Variants in SACS observed in about 807,000 individuals in gnomAD.
The protein encoded by SACS is sacsin.
SACS carries 197 observed loss-of-function variants against 348.0 expected under a neutral mutation model. The observed-to-expected ratio is 0.57, with a 90% CI of 0.50 to 0.64. The LOEUF (loss-of-function observed/expected upper bound fraction) is 0.64, where lower values mean the gene tolerates loss of function less well. Among genes scored for constraint, SACS ranks in the 30% least tolerant of loss-of-function variants. The pLI is 0.00. For missense variants in SACS, 4,999 were observed against 5,360.8 expected, an observed-to-expected ratio of 0.93 and a Z score of 2.11; for synonymous variants, 1,985 against 1,910.6, an observed-to-expected ratio of 1.04 and a Z score of -1.02.
Position 23,333,671 on chromosome 13 carries a change from T to C in SACS, c.10205A>G (p.Asp3402Gly), listed in dbSNP as rs543563990. The change falls in exon 10 of 10, where the codon GAT becomes GGT. Residue 3402 changes from aspartate to glycine, a missense_variant. Around this residue, in one of 6 missense-constraint regions of SACS, gnomAD observed 734 missense variants for 694.0 expected, o/e 1.06. Coordinates refer to ENST00000382292, the MANE Select transcript of SACS (RefSeq NM_014363.6). ...AAGTGACTTTAGAATTTTTATATCA[T>C]CTTGGGACATCAAATGATTCAAATT... ...NCNLNHLMSQDDIKILKSLPC... is the reference protein window; with the variant it reads ...NCNLNHLMSQGDIKILKSLPC... 1.4e-5 allele frequency: 22 copies of C among 1,613,824 alleles called. No homozygotes were observed. The Admixed American group carries it at 3.2e-4, about 23-fold the overall frequency.
chr13:23,368,598 A>G (rs1238332592), intron 4 of SACS, 111 bp from the exon 5 acceptor site: 9 of 761,146 alleles, frequency 1.2e-5, no homozygotes, highest in South Asian at 3.0e-5. Flanking sequence ...ATGGTTGCAT[A>G]TATCTCACTG....
At chr13:23,379,488 C>T (rs2137860282) in intron 2 of SACS, among the ~76,000 whole-genome samples, 1 of 152,312 alleles carries the variant, frequency 6.6e-6, no homozygotes, top group Non-Finnish European at 1.5e-5. Flanking sequence ...CATCTGAACA[C>T]TCAAGGCCAG....
At chr13:23,354,016 C>T (rs1370956342) in intron 8 of SACS, 140 bp from the exon 9 acceptor site, 2 of 656,256 alleles carry the variant, frequency 3.0e-6, no homozygotes, top group East Asian at 5.5e-5. Flanking sequence ...AATCAAATTA[C>T]AATATTTTTG....
chr13:23,399,027 A>AAAAAAAAAAC (rs1593172858), intron 2 of SACS, among the ~76,000 whole-genome samples: 1 of 150,402 alleles, frequency 6.6e-6, no homozygotes, highest in East Asian at 1.9e-4. Flanking sequence ...CTCAAAAAAA[A>AAAAAAAAAAC]AAAAAAAAAA....
intron 9 of SACS, among the ~76,000 whole-genome samples, chr13:23,342,969 A>G (rs749944455): frequency 2.0e-5 from 3 of 152,218 alleles, no homozygotes; most frequent in Non-Finnish European, 2.9e-5. Context: ...CATATTTACA[A>G]CTTTTTCAAA....
At chr13:23,422,838 A>G (rs1329916795) in intron 1 of SACS, among the ~76,000 whole-genome samples, 1 of 152,196 alleles carries the variant, frequency 6.6e-6, no homozygotes, top group Non-Finnish European at 1.5e-5. Context: ...TACTAGAAAC[A>G]TGTTTTGTAG....
intron 9 of SACS, among the ~76,000 whole-genome samples, chr13:23,353,235 T>A (rs952139876): frequency 5.4e-4 from 82 of 152,136 alleles, no homozygotes; most frequent in African/African-American, 1.9e-3. Flanking sequence ...CCTGCCCCTG[T>A]TACAGAGTTA....
At chr13:23,425,777 C>T (rs1483390357) in intron 1 of SACS, among the ~76,000 whole-genome samples, 1 of 152,104 alleles carries the variant, frequency 6.6e-6, no homozygotes, top group Non-Finnish European at 1.5e-5. Flanking sequence ...GGCCCCGAAG[C>T]TCCACCCCGC....
intron 1 of SACS, among the ~76,000 whole-genome samples, chr13:23,432,377 A>G (rs1874464880): frequency 6.6e-6 from 1 of 152,164 alleles, no homozygotes. Context: ...TTAAGATCCA[A>G]GGAGAAAAGA....
Position 23,330,395 on chromosome 13 carries a change from C to G in SACS, c.13481G>C (p.Gly4494Ala), listed in dbSNP as rs1459042786. 1 of 1,614,190 alleles carries G rather than the reference C, an allele frequency of 6.2e-7. No individual in the cohort carries two copies. Among genetic ancestry groups the G allele is most frequent in the South Asian group, 1.1e-5 (1 of 91,086 alleles). The change falls in exon 10 of 10, where the codon GGA becomes GCA. Residue 4494 changes from glycine (G) to alanine (A), a missense_variant. Gly to Ala is a moderately conservative substitution (Grantham distance 60). Coordinates refer to ENST00000382292, the MANE Select transcript of SACS (RefSeq NM_014363.6). ...ALIAADYAVR[G>A]KSDKDVKPTA... ...TGGTTTTACATCTTTATCAGACTTT[C>G]CCCTCACAGCATAGTCAGCTGCAAT...
chr13:23,335,461 A>G lies in SACS; in HGVS notation c.8415T>C (p.Thr2805=). ...KDIPVQQITY[T]MDTEDSEGNL... ...TTCCTTCAGAGTCCTCAGTATCCAT[A>G]GTATAGGTTATTTGTTGAACTGGTA... The change falls in exon 10 of 10, where the codon ACT becomes ACC. Residue 2805 remains threonine, a synonymous_variant. Coordinates refer to ENST00000382292, the MANE Select transcript of SACS (RefSeq NM_014363.6). This position sits in a 1 kb window ranked among gnomAD's most constrained non-coding sequence, Gnocchi z 4.7. The G allele has an allele frequency of 1.2e-6, 2 of 1,613,776 alleles. No individual in the cohort carries two copies. The highest frequency in any genetic ancestry group is 1.7e-6 in the Non-Finnish European group (2 of 1,179,870).
At chr13:23,383,467 C>T (rs1384311011) in intron 2 of SACS, among the ~76,000 whole-genome samples, 1 of 152,188 alleles carries the variant, frequency 6.6e-6, no homozygotes, top group Non-Finnish European at 1.5e-5. Flanking sequence ...TTACCTGCAT[C>T]GTAATGTCCA....
chr13:23,348,714 T>C (rs1869769728), intron 9 of SACS, among the ~76,000 whole-genome samples: 1 of 152,024 alleles, frequency 6.6e-6, no homozygotes, highest in Admixed American at 6.6e-5. Flanking sequence ...TACTGAATGA[T>C]GAATAAACAT....
chr13:23,383,738 T>G (rs1292745507), intron 2 of SACS, among the ~76,000 whole-genome samples: 1 of 152,230 alleles, frequency 6.6e-6, no homozygotes, highest in Non-Finnish European at 1.5e-5. Context: ...ACGACGCTTA[T>G]GTCTCCTTTC....
At chr13:23,371,313 C>T (rs562925206) in intron 3 of SACS, 148 bp from the exon 4 acceptor site, 17 of 420,896 alleles carry the variant, frequency 4.0e-5, no homozygotes, top group African/African-American at 2.0e-4. Context: ...GAATATTCCA[C>T]GGAACACAGA....
Position 23,355,798 on chromosome 13 carries a change from G to T in SACS, c.814C>A (p.Arg272Ser). Reference sequence around the variant, plus strand: ...GAAGGTTGTAGGCGAAGAGGGAAACGGAAAAATGTTCCTGGAAAATTGCCG... The same window carrying T: ...GAAGGTTGTAGGCGAAGAGGGAAACTGAAAAATGTTCCTGGAAAATTGCCG... The part of the protein sequence containing the change: ...INGNFPGTFF[R>S]FPLRLQPSQL... The change falls in exon 8 of 10, where the codon CGT (arginine) becomes AGT (serine). Residue 272 changes from arginine (R) to serine (S), a missense_variant. Arg to Ser is a moderately radical substitution (Grantham distance 110). This residue lies in a region of SACS where 3,156 missense variants were observed against 3,380.1 expected (regional missense o/e 0.93). Coordinates refer to ENST00000382292, the MANE Select transcript of SACS (RefSeq NM_014363.6). The T allele has an allele frequency of 6.2e-7, 1 of 1,614,188 alleles. No homozygotes were observed. Among genetic ancestry groups the T allele is most frequent in the Non-Finnish European group, 8.5e-7 (1 of 1,180,036 alleles).
Position 23,333,162 on chromosome 13 carries a change from G to A in SACS, c.10714C>T (p.Pro3572Ser), listed in dbSNP as rs776037259. ...FFKKLEQLIK[P>S]KNHVTFMTSW... is the part of the protein sequence containing the mutation. The stretch of plus-strand genomic sequence containing the variant: ...GTCATAAATGTAACATGATTTTTGG[G>A]TTTTATAAGTTGTTCCAATTTCTTA... The change falls in exon 10 of 10, where the codon CCC becomes TCC. Residue 3572 changes from proline (P) to serine (S), a missense_variant. Physicochemically the swap from Pro to Ser is moderately conservative, Grantham distance 74. Transcript: ENST00000382292. 1.9e-6 allele frequency: 3 copies of A among 1,608,612 alleles called. No individual in the cohort carries two copies. In the East Asian group the frequency reaches 6.7e-5, roughly 36 times the overall value.
chr13:23,337,713 G>T lies in SACS; in HGVS notation c.6163C>A (p.Gln2055Lys), dbSNP rs868303582. 13 of 1,612,894 alleles carry T rather than the reference G, an allele frequency of 8.1e-6. No individual in the cohort carries two copies. The highest frequency in any genetic ancestry group is 1.6e-4 in the Middle Eastern group (1 of 6,080). ...GGAAAAAACACTTCAGAAAAAAACT[G>T]TTTCTCTGAAAATGTGTTTTCAAGT... Reference protein sequence around the residue: ...ILLENTFSEKQFFSEVFFPNI... With the variant: ...ILLENTFSEKKFFSEVFFPNI... The change falls in exon 10 of 10, where the codon CAG becomes AAG. Residue 2055 changes from glutamine (Q) to lysine (K), a missense_variant. Physicochemically the swap from Gln to Lys is moderately conservative, Grantham distance 53. Coordinates refer to ENST00000382292, the MANE Select transcript of SACS (RefSeq NM_014363.6).
At chr13:23,424,073 A>G (rs374306097) in intron 1 of SACS, among the ~76,000 whole-genome samples, 13 of 152,294 alleles carry the variant, frequency 8.5e-5, no homozygotes, top group African/African-American at 3.1e-4. Flanking sequence ...GACATTTCAG[A>G]GGTTATTGGG....
Sources: gnomAD v4.1 joint callset for allele counts (sites outside exome capture counted in the v4.1 genomes callset) on GRCh38, gnomAD v4.1.1 for gene constraint, gnomAD v4.1.1 regional missense constraint, Gnocchi (gnomAD v3.1) non-coding constraint, MANE v1.5 for transcripts, NCBI Gene and HGNC (gene_info 2026-07-23, HGNC 2026-07-21) for gene names.